Variants in FGF13 observed in about 807,000 individuals in gnomAD.
FGF13 encodes the protein fibroblast growth factor homologous factor 2.
Under a neutral mutation model 19.5 loss-of-function variants are expected in FGF13, and 2 were observed. That is an observed-to-expected ratio of 0.10 (90% CI 0.04 to 0.32). The LOEUF is 0.32. Ranked by LOEUF, FGF13 falls within the 10% of genes least tolerant of loss-of-function variation. FGF13 has a pLI of 1.00. For synonymous variants in FGF13, 72 were observed against 76.9 expected (o/e 0.94, Z 0.33); for missense variants, 113 against 192.7 (o/e 0.59, Z 2.45).
rs141816414 is a variant in FGF13, at chrX:139,169,200, T to C, written c.-113+34216A>G. On this transcript the variant is annotated intron_variant, in intron 1 of 2. Transcript: ENST00000421460. ...TCATAAGGGTTGAGCAGACATTTGATTCCAACCCCAACTCCCCATTTATCT... is the reference window on the plus strand; with the variant it reads ...TCATAAGGGTTGAGCAGACATTTGACTCCAACCCCAACTCCCCATTTATCT... 1.9e-3 allele frequency among the ~76,000 whole-genome samples: 208 copies of C among 112,150 alleles called. 1 individual carries two copies. The highest frequency in any genetic ancestry group is 6.5e-3 in the African/African-American group (200 of 30,894).
intron 1 of FGF13, among the ~76,000 whole-genome samples, chrX:139,143,598 G>T (rs144065509): frequency 1.4e-3 from 161 of 111,797 alleles, no homozygotes; most frequent in African/African-American, 5.1e-3. Flanking sequence ...CTGTGGATGC[G>T]CTCTCACTGT....
At chrX:138,693,479 T>C (rs984013892) in intron 3 of FGF13, among the ~76,000 whole-genome samples, 7 of 111,786 alleles carry the variant, frequency 6.3e-5, no homozygotes, top group Admixed American at 4.7e-4. Flanking sequence ...CTTTCTATAT[T>C]TTCCATTTCT....
At chrX:139,155,841 T>C in intron 1 of FGF13, among the ~76,000 whole-genome samples, 1 of 112,006 alleles carries the variant, frequency 8.9e-6, no homozygotes, top group Non-Finnish European at 1.9e-5. Flanking sequence ...ATAGACCTGA[T>C]ACAAAAGCAG....
chrX:138,935,210 G>A (rs2091725403), intron 1 of FGF13, among the ~76,000 whole-genome samples: 1 of 111,510 alleles, frequency 9.0e-6, no homozygotes, highest in Non-Finnish European at 1.9e-5. Context: ...GCTCTGTGCT[G>A]CAAGTACAAA....
At chrX:139,025,063 T>C (rs1450372548) in intron 1 of FGF13, among the ~76,000 whole-genome samples, 1 of 110,939 alleles carries the variant, frequency 9.0e-6, no homozygotes, top group Non-Finnish European at 1.9e-5. Flanking sequence ...CTTTCTTTCC[T>C]GCCCTGCCTG....
At chrX:139,008,989 T>C (rs1188004648) in intron 1 of FGF13, among the ~76,000 whole-genome samples, 1 of 111,265 alleles carries the variant, frequency 9.0e-6, no homozygotes, top group East Asian at 2.8e-4. Context: ...TTCAGTGAAA[T>C]AGAATAACTA....
intron 1 of FGF13, among the ~76,000 whole-genome samples, chrX:138,920,007 T>G (rs747577578): frequency 9.0e-6 from 1 of 111,455 alleles, no homozygotes; most frequent in Non-Finnish European, 1.9e-5. Flanking sequence ...TCTGTGAATT[T>G]ATAGTTATTT....
In FGF13 at chrX:138,625,783, T is replaced by A. The variant is rs2089058432; in HGVS notation, c.*7067A>T. On this transcript the variant is annotated 3_prime_UTR_variant, in exon 5 of 5. Transcript: ENST00000315930. ...AAATTATTTTAATTTTTCACCTTTA[T>A]ATACCATTTCGGTTGTTCGTAGTAA... 1 of 109,695 alleles carries A rather than the reference T, an allele frequency of 9.1e-6. No individual in the cohort carries two copies. The highest frequency in any genetic ancestry group is 2.8e-4 in the East Asian group (1 of 3,522). The allele number at this position is 109,695 out of a possible 1,213,427, so 9.0% of individuals were successfully genotyped here.
intron 1 of FGF13, among the ~76,000 whole-genome samples, chrX:139,157,487 T>C (rs955639530): frequency 2.1e-4 from 23 of 112,189 alleles, no homozygotes; most frequent in Admixed American, 9.4e-5. Context: ...AGTGGCTTTG[T>C]TATAAAAGCA....
At chrX:138,752,295 T>C (rs1288297722) in intron 3 of FGF13, among the ~76,000 whole-genome samples, 1 of 110,697 alleles carries the variant, frequency 9.0e-6, no homozygotes, top group Non-Finnish European at 1.9e-5. Flanking sequence ...AGCATGGTGG[T>C]GCATGCCTGT....
chrX:139,116,293 C>T (rs2083639240), intron 1 of FGF13, among the ~76,000 whole-genome samples: 1 of 112,092 alleles, frequency 8.9e-6, no homozygotes, highest in Non-Finnish European at 1.9e-5. Flanking sequence ...CATTTTATGA[C>T]ATCAGGTTTA....
intron 1 of FGF13, among the ~76,000 whole-genome samples, chrX:138,918,780 G>A (rs1038652374): frequency 8.9e-6 from 1 of 111,852 alleles, no homozygotes; most frequent in African/African-American, 3.3e-5. Flanking sequence ...CTTGAGGAAT[G>A]TAATGAAAGG....
At chrX:139,204,320 T>TCGCCGC (rs770201350), upstream of FGF13, 21 of 325,782 alleles carry the variant, frequency 6.4e-5, no homozygotes, top group African/African-American at 4.5e-4. Context: ...GGAGCCGCCG[T>TCGCCGC]CGCCGCCGCC....
intron 3 of FGF13, among the ~76,000 whole-genome samples, chrX:138,652,996 A>C (rs2089393022): frequency 8.9e-6 from 1 of 112,327 alleles, no homozygotes; most frequent in South Asian, 3.7e-4. Context: ...TGTAATTTTG[A>C]TGATTTAATT....
intron 1 of FGF13, among the ~76,000 whole-genome samples, chrX:138,908,712 C>T (rs757527007): frequency 8.9e-6 from 1 of 111,990 alleles, no homozygotes; most frequent in Non-Finnish European, 1.9e-5. Context: ...GGGCGCTAAT[C>T]CTTTCAGCAG....
chrX:138,953,885 G>GT (rs1477026078), intron 1 of FGF13, among the ~76,000 whole-genome samples: 1 of 109,718 alleles, frequency 9.1e-6, no homozygotes, highest in African/African-American at 3.3e-5. Context: ...CCAACATGTG[G>GT]TAAAAAAAAA....
intron 1 of FGF13, among the ~76,000 whole-genome samples, chrX:138,957,571 G>A (rs1332463862): frequency 9.0e-6 from 1 of 111,328 alleles, no homozygotes; most frequent in Non-Finnish European, 1.9e-5. Flanking sequence ...TTGGTAGCTT[G>A]ATGGGGATGG....
At chrX:138,740,445 C>G (rs1430292179), upstream of FGF13, among the ~76,000 whole-genome samples, 1 of 111,875 alleles carries the variant, frequency 8.9e-6, no homozygotes, top group Admixed American at 9.5e-5. Flanking sequence ...ATCAAAATTG[C>G]CTTGTGCTCT....
chrX:139,200,515 G>A (rs1459634859), intron 1 of FGF13, among the ~76,000 whole-genome samples: 1 of 111,998 alleles, frequency 8.9e-6, no homozygotes, highest in Non-Finnish European at 1.9e-5. Context: ...GGCTTCTTGG[G>A]CTATGCATGG....
Sources: gnomAD v4.1 joint callset for allele counts (sites outside exome capture counted in the v4.1 genomes callset) on GRCh38, gnomAD v4.1.1 for gene constraint, MANE v1.5 for transcripts, NCBI Gene and HGNC (gene_info 2026-07-23, HGNC 2026-07-21) for gene names.